Variants in DGKH observed in about 807,000 individuals in gnomAD.
DGKH encodes DAG kinase eta.
Under a neutral mutation model 159.3 loss-of-function variants are expected in DGKH, and 90 were observed. That is an observed-to-expected ratio of 0.57 (90% CI 0.48 to 0.67). The LOEUF (loss-of-function observed/expected upper bound fraction) is 0.67. Ranked by LOEUF, DGKH falls within the 30% of genes least tolerant of loss-of-function variation. The pLI is 0.00. For missense variants in DGKH, 1,181 were observed against 1,506.1 expected (o/e 0.78, Z 3.57); for synonymous variants, 536 against 553.8 (o/e 0.97, Z 0.45).
chr13:42,178,067 G>A (rs951316108), intron 12 of DGKH, 68 bp from the exon 13 acceptor site: 21 of 1,188,668 alleles, frequency 1.8e-5, no homozygotes, highest in Non-Finnish European at 1.2e-5. Context: ...TCCATTTCTG[G>A]AGCAGCAATA....
At chr13:42,194,534 G>T (rs1957157290) in intron 16 of DGKH, among the ~76,000 whole-genome samples, 1 of 152,180 alleles carries the variant, frequency 6.6e-6, no homozygotes, top group Admixed American at 6.5e-5. Context: ...ATGAGACAAG[G>T]ATTACATGGG....
In DGKH at chr13:42,229,268, GT is replaced by G; in HGVS notation, c.*84del. Reference sequence around the variant, plus strand: ...TTGGAAGCAAGTGGCTGTTCTTGTAGTTTTCTGCATAGATAAGTAAGCACCA... The same window carrying G: ...TTGGAAGCAAGTGGCTGTTCTTGTAGTTTCTGCATAGATAAGTAAGCACCA... On this transcript the variant is annotated 3_prime_UTR_variant, in exon 30 of 30. Transcript: ENST00000337343. 1 of 1,285,564 alleles carries G rather than the reference GT, an allele frequency of 7.8e-7. No homozygotes were observed. Among genetic ancestry groups the G allele is most frequent in the South Asian group, 1.3e-5 (1 of 75,698 alleles). 79.6% of individuals were successfully genotyped at this position (1,285,564 alleles called of 1,614,324 possible). A position where few individuals can be genotyped will look rare whatever the true frequency, so the allele number is the denominator to read the frequency against.
chr13:42,176,000 G>A (rs1956594256), intron 12 of DGKH, among the ~76,000 whole-genome samples: 1 of 152,172 alleles, frequency 6.6e-6, no homozygotes, highest in South Asian at 2.1e-4. Context: ...GGTACACAAT[G>A]CAAAATATTA....
intron 21 of DGKH, among the ~76,000 whole-genome samples, chr13:42,206,975 T>TTTTCTTTC (rs748683859): frequency 0.17 from 14,036 of 82,946 alleles, 2,263 homozygotes; most frequent in East Asian, 0.21. Context: ...TACTTTTACT[T>TTTTCTTTC]TTTCTTTCTT....
At chr13:42,192,621 T>G (rs1186458261) in intron 16 of DGKH, among the ~76,000 whole-genome samples, 1 of 146,682 alleles carries the variant, frequency 6.8e-6, no homozygotes, top group Non-Finnish European at 1.5e-5. Flanking sequence ...CTTCTTTTCT[T>G]TCTTCTTTCT....
intron 1 of DGKH, among the ~76,000 whole-genome samples, chr13:42,121,740 G>A (rs1302172683): frequency 6.6e-6 from 1 of 152,180 alleles, no homozygotes; most frequent in Non-Finnish European, 1.5e-5. Context: ...ACTATAGCAT[G>A]GGGACTTAAG....
At position 42,240,654 on chromosome 13, in the gene DGKH, TAAG is replaced by T. The variant is rs779513436; in HGVS notation, c.*11470_*11472del. On this transcript the variant is annotated 3_prime_UTR_variant, in exon 30 of 30. Coordinates refer to ENST00000337343, the MANE Select transcript of DGKH (RefSeq NM_178009.5). ...TTATTTAGAGTTATTAATGTAAACA[TAAG>T]AAGGCTTGTGACTCTTATCACCCTC... is the stretch of plus-strand genomic sequence containing the variant. The T allele has an allele frequency of 6.6e-6, 1 of 152,126 alleles. No homozygotes were observed. The highest frequency in any genetic ancestry group is 6.5e-5 in the Admixed American group (1 of 15,286). The allele number at this position is 152,126 out of a possible 1,614,324, so 9.4% of individuals were successfully genotyped here. A position where few individuals can be genotyped will look rare whatever the true frequency, so the allele number is the denominator to read the frequency against.
intron 1 of DGKH, among the ~76,000 whole-genome samples, chr13:42,109,987 T>C (rs1954832036): frequency 6.6e-6 from 1 of 152,180 alleles, no homozygotes; most frequent in Admixed American, 6.5e-5. Context: ...ATCTAATCTG[T>C]CTACCCATCC....
intron 1 of DGKH, among the ~76,000 whole-genome samples, chr13:42,113,171 T>A (rs1251265544): frequency 1.3e-5 from 2 of 152,192 alleles, no homozygotes; most frequent in Non-Finnish European, 1.5e-5. Context: ...ACCAGATTTT[T>A]AAAATGCACA....
intron 3 of DGKH, among the ~76,000 whole-genome samples, chr13:42,151,044 T>C (rs1315523580): frequency 6.6e-6 from 1 of 152,138 alleles, no homozygotes; most frequent in Non-Finnish European, 1.5e-5. Flanking sequence ...CCCTGGAAGC[T>C]GAGAAGGGCA....
intron 28 of DGKH, 59 bp from the exon 29 acceptor site, chr13:42,221,205 T>A (rs1404239001): frequency 5.0e-6 from 8 of 1,591,852 alleles, no homozygotes; most frequent in Non-Finnish European, 6.0e-6. Flanking sequence ...GGCCAACCTT[T>A]GCTTTGTAAT....
In DGKH at chr13:42,229,538, T is replaced by C. The variant is rs1210370135; in HGVS notation, c.*350T>C. 5.5e-6 allele frequency: 1 copy of C among 180,858 alleles called. No homozygotes were observed. Among genetic ancestry groups the C allele is most frequent in the Non-Finnish European group, 1.1e-5 (1 of 87,680 alleles). The allele number at this position is 180,858 out of a possible 1,614,324, so 11.2% of individuals were successfully genotyped here. A position where few individuals can be genotyped will look rare whatever the true frequency, so the allele number is the denominator to read the frequency against. ...ATCTGGTCTGATGGAATGTTCCTAC[T>C]GTGCAACTGCATAACAATATGTGGT... is the stretch of plus-strand genomic sequence containing the variant. On this transcript the variant is annotated 3_prime_UTR_variant, in exon 30 of 30. Transcript: ENST00000337343.
chr13:42,142,825 A>C (rs1193011568), intron 3 of DGKH, among the ~76,000 whole-genome samples: 2 of 152,186 alleles, frequency 1.3e-5, no homozygotes, highest in Non-Finnish European at 2.9e-5. Flanking sequence ...CTAGATATGC[A>C]ATCATGTCAT....
At chr13:42,170,184 A>G (rs1956412125) in intron 11 of DGKH, among the ~76,000 whole-genome samples, 1 of 152,214 alleles carries the variant, frequency 6.6e-6, no homozygotes, top group African/African-American at 2.4e-5. Context: ...TGCAAATGTA[A>G]AGACCACTTC....
chr13:42,198,836 C>T (rs958953677), intron 18 of DGKH, among the ~76,000 whole-genome samples: 6 of 152,166 alleles, frequency 3.9e-5, no homozygotes, highest in Non-Finnish European at 8.8e-5. Flanking sequence ...GAGCAACCCT[C>T]TGGCAAAGGA....
chr13:42,049,934 A>G (rs952599663), intron 1 of DGKH, among the ~76,000 whole-genome samples: 1 of 152,246 alleles, frequency 6.6e-6, no homozygotes, highest in South Asian at 2.1e-4. Context: ...TTTAACGAGG[A>G]TATTGAAAAC....
chr13:42,251,610 C>T (rs1215925988), intron 29 of DGKH, among the ~76,000 whole-genome samples: 4 of 152,150 alleles, frequency 2.6e-5, no homozygotes, highest in Admixed American at 2.0e-4. Context: ...ATCCTCCACA[C>T]ACTACATACA....
chr13:42,126,928 A>C (rs1004687980), intron 1 of DGKH, among the ~76,000 whole-genome samples: 1 of 152,212 alleles, frequency 6.6e-6, no homozygotes, highest in South Asian at 2.1e-4. Context: ...AGCACATACT[A>C]TACACCATGC....
chr13:42,168,800 G>A lies in DGKH; in HGVS notation c.1349G>A (p.Ser450Asn). The A allele has an allele frequency of 6.2e-7, 1 of 1,613,366 alleles. No homozygotes were observed. Among genetic ancestry groups the A allele is most frequent in the Non-Finnish European group, 8.5e-7 (1 of 1,179,540 alleles). Residue 450 changes from serine (S) to asparagine (N), a missense_variant, in exon 11 of 30, where the codon AGT (serine) becomes AAT (asparagine). By Grantham distance (46) the Ser-to-Asn change is conservative (BLOSUM62 1). This residue lies in a region of DGKH where 369 missense variants were observed against 519.4 expected (regional missense o/e 0.71). Transcript: ENST00000337343. The part of the protein sequence containing the change: ...PQILEKLERA[S>N]TKMLDRWSIM... ...ATCCTAGAGAAACTGGAACGAGCCA[G>A]TACCAAAATGTTGGACAGGTAAAAG... is the stretch of plus-strand genomic sequence containing the variant.
Sources: allele counts gnomAD v4.1 joint callset (sites outside exome capture counted in the v4.1 genomes callset), GRCh38; gene constraint gnomAD v4.1.1; regional missense constraint gnomAD v4.1.1; transcripts MANE v1.5; gene names NCBI Gene and HGNC (gene_info 2026-07-23, HGNC 2026-07-21).